KCNMA1: variants seen among roughly 807,000 people sequenced by gnomAD.
KCNMA1 encodes the protein Calcium-activated potassium channel subunit alpha-1.
A neutral mutation model predicts 140.0 loss-of-function variants in KCNMA1; 29 were observed. The observed-to-expected ratio is 0.21, with a 90% CI of 0.15 to 0.28. The LOEUF is 0.28. Among genes scored for constraint, KCNMA1 ranks in the 10% least tolerant of loss-of-function variants. The pLI is 1.00. For synonymous variants in KCNMA1, 612 were observed against 611.9 expected (o/e 1.00, Z 0.00); for missense variants, 880 against 1,602.2 (o/e 0.55, Z 7.70).
At chr10:77,313,561 A>G (rs2079941006) in intron 2 of KCNMA1, among the ~76,000 whole-genome samples, 1 of 152,232 alleles carries the variant, frequency 6.6e-6, no homozygotes. Flanking sequence ...AGGATGTGTC[A>G]TGCATGGGAC....
chr10:76,926,926 G>T (rs1200282279), intron 23 of KCNMA1, among the ~76,000 whole-genome samples: 2 of 152,022 alleles, frequency 1.3e-5, no homozygotes, highest in Non-Finnish European at 2.9e-5. Context: ...AGCCCCTAAG[G>T]CATGATCCTC....
chr10:77,382,169 G>A (rs1056853214), intron 2 of KCNMA1, among the ~76,000 whole-genome samples: 12 of 152,128 alleles, frequency 7.9e-5, no homozygotes, highest in African/African-American at 2.9e-4. Context: ...GCACCACCGA[G>A]TAAGCCTTCT....
intron 19 of KCNMA1, among the ~76,000 whole-genome samples, chr10:76,991,052 C>T (rs3824716): frequency 6.6e-6 from 1 of 151,934 alleles, no homozygotes; most frequent in African/African-American, 2.4e-5. Context: ...TTACCCTGAC[C>T]GCCATAAAAG....
intron 1 of KCNMA1, among the ~76,000 whole-genome samples, chr10:77,437,473 G>T (rs1233710961): frequency 6.6e-6 from 1 of 152,206 alleles, no homozygotes; most frequent in Non-Finnish European, 1.5e-5. Context: ...GTCTTTTAAT[G>T]TTCTTATATA....
chr10:77,297,851 C>T (rs1282666403), intron 2 of KCNMA1, among the ~76,000 whole-genome samples: 1 of 152,194 alleles, frequency 6.6e-6, no homozygotes, highest in Non-Finnish European at 1.5e-5. Flanking sequence ...TTAATTTCTC[C>T]TGCCTGGATT....
At chr10:77,569,655 C>T (rs528670753) in intron 1 of KCNMA1, among the ~76,000 whole-genome samples, 64 of 152,248 alleles carry the variant, frequency 4.2e-4, no homozygotes, top group Admixed American at 2.4e-3. Context: ...CTAGGCATTA[C>T]CATTCAGGAC....
At chr10:77,005,530 A>G (rs561557194) in intron 18 of KCNMA1, among the ~76,000 whole-genome samples, 2 of 152,296 alleles carry the variant, frequency 1.3e-5, no homozygotes, top group African/African-American at 2.4e-5. Flanking sequence ...CCGATAGGCC[A>G]ACTTAACTCT....
At chr10:76,920,018 GTGTATA>G (rs1443954994) in intron 23 of KCNMA1, among the ~76,000 whole-genome samples, 17 of 43,600 alleles carry the variant, frequency 3.9e-4, no homozygotes, top group African/African-American at 1.3e-3. Flanking sequence ...GTGTGTGTGT[GTGTATA>G]TATATATATA....
intron 19 of KCNMA1, among the ~76,000 whole-genome samples, chr10:76,988,230 G>A (rs1361517803): frequency 6.6e-6 from 1 of 152,146 alleles, no homozygotes; most frequent in African/African-American, 2.4e-5. Flanking sequence ...GGTAAGGCAT[G>A]GGTGAAAAAC....
chr10:77,291,324 T>G (rs577571289), intron 2 of KCNMA1, among the ~76,000 whole-genome samples: 1 of 152,176 alleles, frequency 6.6e-6, no homozygotes, highest in Admixed American at 6.5e-5. Context: ...ACTCTAACAC[T>G]TAAATGGGAA....
At chr10:77,462,671 C>G (rs1335991192) in intron 1 of KCNMA1, among the ~76,000 whole-genome samples, 1 of 152,196 alleles carries the variant, frequency 6.6e-6, no homozygotes, top group Admixed American at 6.5e-5. Context: ...GGGACTGTGC[C>G]CTGGGCTCTC....
At chr10:77,597,800 C>T (rs1391804354) in intron 1 of KCNMA1, among the ~76,000 whole-genome samples, 1 of 152,180 alleles carries the variant, frequency 6.6e-6, no homozygotes, top group African/African-American at 2.4e-5. Flanking sequence ...AGCCATATGG[C>T]TTTCTCCCAA....
intron 2 of KCNMA1, among the ~76,000 whole-genome samples, chr10:77,322,825 C>T (rs1362642531): frequency 1.3e-5 from 2 of 152,140 alleles, no homozygotes; most frequent in Non-Finnish European, 2.9e-5. Flanking sequence ...TAGAGCCTGG[C>T]TATTGACATA....
chr10:77,424,587 CAAAA>C (rs55637591), intron 1 of KCNMA1, among the ~76,000 whole-genome samples: 10 of 144,076 alleles, frequency 6.9e-5, no homozygotes, highest in African/African-American at 2.5e-4. Flanking sequence ...GGTTCTCAGA[CAAAA>C]AAAAAAATAC....
chr10:77,182,633 A>C (rs2154123060), intron 5 of KCNMA1, among the ~76,000 whole-genome samples: 1 of 152,314 alleles, frequency 6.6e-6, no homozygotes, highest in South Asian at 2.1e-4. Flanking sequence ...AAATCCTAAA[A>C]ATAAGGACAG....
chr10:76,917,182 T>C (rs2053298701), intron 23 of KCNMA1, among the ~76,000 whole-genome samples: 1 of 152,246 alleles, frequency 6.6e-6, no homozygotes, highest in African/African-American at 2.4e-5. Flanking sequence ...AAGTGACAGC[T>C]GTGCAGATTC....
chr10:77,402,259 G>T (rs919959345), intron 2 of KCNMA1, among the ~76,000 whole-genome samples: 2 of 152,198 alleles, frequency 1.3e-5, no homozygotes, highest in African/African-American at 4.8e-5. Flanking sequence ...AGAGGCAGGA[G>T]GAGAGATAGA....
intron 18 of KCNMA1, among the ~76,000 whole-genome samples, chr10:77,010,261 T>C (rs184374643): frequency 2.7e-4 from 41 of 152,286 alleles, no homozygotes; most frequent in Non-Finnish European, 4.4e-4. Context: ...CTCCTTCTGA[T>C]TGAAATGATT....
At chr10:77,078,908 C>T (rs1201461674) in intron 13 of KCNMA1, among the ~76,000 whole-genome samples, 1 of 152,216 alleles carries the variant, frequency 6.6e-6, no homozygotes, top group Non-Finnish European at 1.5e-5. Flanking sequence ...ATAGACACTT[C>T]CCGAATGAAT....
Sources: gnomAD v4.1 joint callset for allele counts (sites outside exome capture counted in the v4.1 genomes callset) on GRCh38, gnomAD v4.1.1 for gene constraint, MANE v1.5 for transcripts, NCBI Gene and HGNC (gene_info 2026-07-23, HGNC 2026-07-21) for gene names.